Variants in CLVS2 observed in about 807,000 individuals in gnomAD.
CLVS2 encodes clavesin 2.
A neutral mutation model predicts 29.0 loss-of-function variants in CLVS2; 19 were observed. That is an observed-to-expected ratio of 0.66 (90% CI 0.46 to 0.96). The LOEUF (loss-of-function observed/expected upper bound fraction) is 0.96, where lower values mean the gene tolerates loss of function less well. CLVS2 is among the 40% of genes least tolerant of loss of function. CLVS2 has a pLI of 0.00. For synonymous variants in CLVS2, 161 were observed against 151.3 expected, an observed-to-expected ratio of 1.06 and a Z score of -0.47; for missense variants, 294 against 404.1, an observed-to-expected ratio of 0.73 and a Z score of 2.34.
At chr6:123,057,334 C>CTTTTTTTT (rs71541220) in intron 5 of CLVS2, among the ~76,000 whole-genome samples, 2 of 83,686 alleles carry the variant, frequency 2.4e-5, no homozygotes, top group Admixed American at 1.4e-4. Flanking sequence ...GGATGGTCTT[C>CTTTTTTTT]TTTTTTTTTT....
chr6:123,034,477 T>C (rs1214225677), intron 3 of CLVS2, among the ~76,000 whole-genome samples: 1 of 152,154 alleles, frequency 6.6e-6, no homozygotes, highest in African/African-American at 2.4e-5. Flanking sequence ...AAAGGCAGCA[T>C]ACTGTATCAT....
At chr6:123,017,245 A>T (rs1774850450) in intron 3 of CLVS2, among the ~76,000 whole-genome samples, 1 of 152,196 alleles carries the variant, frequency 6.6e-6, no homozygotes, top group South Asian at 2.1e-4. Flanking sequence ...TAAGCTGCCA[A>T]TAGTTTTCAG....
rs769299096 is a variant in CLVS2, at chr6:123,071,832, A to G, written c.*8071A>G. On this transcript the variant is annotated 3_prime_UTR_variant, in exon 6 of 6. Coordinates refer to ENST00000275162, the MANE Select transcript of CLVS2 (RefSeq NM_001010852.4). ...TTTTAACAATTGGGTTTCATGTTACATATCTTTAAATTTTTATGTTGAAAA... is the reference window on the plus strand; with the variant it reads ...TTTTAACAATTGGGTTTCATGTTACGTATCTTTAAATTTTTATGTTGAAAA... 6.6e-6 allele frequency: 1 copy of G among 152,014 alleles called. No homozygotes were observed. The highest frequency in any genetic ancestry group is 1.5e-5 in the Non-Finnish European group (1 of 67,942). 9.4% of individuals were successfully genotyped at this position (152,014 alleles called of 1,614,324 possible). A position where few individuals can be genotyped will look rare whatever the true frequency, so the allele number is the denominator to read the frequency against.
intron 3 of CLVS2, among the ~76,000 whole-genome samples, chr6:123,045,754 C>T (rs112528682): frequency 5.3e-5 from 8 of 152,062 alleles, no homozygotes; most frequent in Non-Finnish European, 1.0e-4. Flanking sequence ...TAATAGTGGA[C>T]GCAGACAAAG....
chr6:122,998,978 C>T (rs896170290), intron 2 of CLVS2, among the ~76,000 whole-genome samples: 1 of 152,138 alleles, frequency 6.6e-6, no homozygotes, highest in African/African-American at 2.4e-5. Context: ...TAGAAAAATG[C>T]AGGCAATGAC....
intron 3 of CLVS2, among the ~76,000 whole-genome samples, chr6:123,036,665 A>G (rs1775158798): frequency 1.3e-5 from 2 of 152,166 alleles, no homozygotes; most frequent in South Asian, 4.1e-4. Context: ...TAGAGACAGA[A>G]TTAGAGTTCC....
rs188910473 is a variant in CLVS2, at chr6:123,005,921, C to T, written c.390-5064C>T. Among the ~76,000 whole-genome samples, 6 of 152,336 alleles carry T rather than the reference C, an allele frequency of 3.9e-5. No homozygotes were observed. The East Asian group carries it at 9.7e-4, about 25-fold the overall frequency. The stretch of plus-strand genomic sequence containing the variant: ...TATAGGTAAAATAAAGCAGCATGGT[C>T]TATGCCCTTGGGAAATAGTTTGATT... On this transcript the variant is annotated intron_variant, in intron 2 of 5. Transcript: ENST00000275162.
chr6:123,062,652 C>T (rs1287449765), intron 5 of CLVS2, among the ~76,000 whole-genome samples: 1 of 152,012 alleles, frequency 6.6e-6, no homozygotes, highest in African/African-American at 2.4e-5. Context: ...ATCAGTTAAT[C>T]CTGTAATTAT....
intron 1 of CLVS2, among the ~76,000 whole-genome samples, 170 bp downstream of exon 1, chr6:122,996,916 C>G (rs1197837666): frequency 3.3e-5 from 5 of 152,030 alleles, no homozygotes; most frequent in Non-Finnish European, 7.4e-5. Context: ...TCTCCAACCC[C>G]GCGGCAAGTC....
intron 3 of CLVS2, among the ~76,000 whole-genome samples, chr6:123,017,755 G>A (rs1582648290): frequency 6.6e-6 from 1 of 151,992 alleles, no homozygotes; most frequent in East Asian, 1.9e-4. Flanking sequence ...CTTTGATAAT[G>A]GACTAGATTA....
chr6:123,049,728 A>G (rs546096804), intron 4 of CLVS2, among the ~76,000 whole-genome samples: 2 of 145,130 alleles, frequency 1.4e-5, no homozygotes, highest in African/African-American at 2.5e-5. Flanking sequence ...TAGAAGCTTT[A>G]TTGTGAGTGT....
At chr6:123,008,848 C>T (rs1021423786) in intron 2 of CLVS2, among the ~76,000 whole-genome samples, 1 of 151,862 alleles carries the variant, frequency 6.6e-6, no homozygotes, top group Non-Finnish European at 1.5e-5. Flanking sequence ...AAGGTGTTCA[C>T]CCACACATGT....
Position 122,997,866 on chromosome 6 carries a change from A to T in CLVS2, c.89A>T (p.Asp30Val). ...GAAAACCCAGACACGCTGCACCAGG[A>T]CATCCAGGAGGTGAGGGATATGGTC... Reference protein sequence around the residue: ...LNENPDTLHQDIQEVRDMVIT... With the variant: ...LNENPDTLHQVIQEVRDMVIT... Residue 30 changes from aspartate (D) to valine (V), a missense_variant, in exon 2 of 6, where the codon GAC (aspartate) becomes GTC (valine). Asp to Val is a radical substitution (Grantham distance 152). This residue lies in a region of CLVS2 where 212 missense variants were observed against 336.4 expected (regional missense o/e 0.63). Transcript: ENST00000275162. 6.2e-7 allele frequency: 1 copy of T among 1,614,210 alleles called. No individual in the cohort carries two copies. The highest frequency in any genetic ancestry group is 8.5e-7 in the Non-Finnish European group (1 of 1,180,040).
At chr6:123,010,674 G>C (rs924890306) in intron 2 of CLVS2, among the ~76,000 whole-genome samples, 2 of 151,972 alleles carry the variant, frequency 1.3e-5, no homozygotes, top group Non-Finnish European at 2.9e-5. Flanking sequence ...CACTTAAAAC[G>C]TGTGATGCCT....
rs947328206 is a variant in CLVS2 at position 123,068,850 on chromosome 6, G to T, written c.*5089G>T. 6.6e-5 allele frequency: 10 copies of T among 151,522 alleles called. No individual in the cohort carries two copies. The highest frequency in any genetic ancestry group is 2.2e-4 in the African/African-American group (9 of 41,368). The allele number at this position is 151,522 out of a possible 1,614,324, so 9.4% of individuals were successfully genotyped here. A position where few individuals can be genotyped will look rare whatever the true frequency, so the allele number is the denominator to read the frequency against. Reference sequence around the variant, plus strand: ...GACAAGTATACATTTCTGTTTAAAAGAAATGTATGCTTTTATTTTGTATAT... The same window carrying T: ...GACAAGTATACATTTCTGTTTAAAATAAATGTATGCTTTTATTTTGTATAT... On this transcript the variant is annotated 3_prime_UTR_variant, in exon 6 of 6. Coordinates refer to ENST00000275162, the MANE Select transcript of CLVS2 (RefSeq NM_001010852.4).
At chr6:123,023,544 A>G (rs142811529) in intron 3 of CLVS2, among the ~76,000 whole-genome samples, 5 of 152,242 alleles carry the variant, frequency 3.3e-5, no homozygotes, top group African/African-American at 9.6e-5. Flanking sequence ...GTTATATACA[A>G]TAATAGAGAA....
intron 4 of CLVS2, among the ~76,000 whole-genome samples, chr6:123,053,117 C>T (rs975482227): frequency 1.3e-5 from 2 of 152,136 alleles, no homozygotes; most frequent in Non-Finnish European, 2.9e-5. Context: ...GAGGCCAAGG[C>T]GAGTGGATCA....
intron 2 of CLVS2, among the ~76,000 whole-genome samples, chr6:123,001,949 A>G (rs1448253387): frequency 6.6e-6 from 1 of 152,212 alleles, no homozygotes; most frequent in East Asian, 1.9e-4. Context: ...GTTCACCTGT[A>G]AGTTGTCAGC....
At chr6:123,023,791 C>T (rs1045199557) in intron 3 of CLVS2, among the ~76,000 whole-genome samples, 19 of 152,020 alleles carry the variant, frequency 1.2e-4, no homozygotes, top group South Asian at 2.1e-4. Context: ...AAATCTTGCC[C>T]GTATCATGTC....
Sources: allele counts gnomAD v4.1 joint callset (sites outside exome capture counted in the v4.1 genomes callset), GRCh38; gene constraint gnomAD v4.1.1; regional missense constraint gnomAD v4.1.1; transcripts MANE v1.5; gene names NCBI Gene and HGNC (gene_info 2026-07-23, HGNC 2026-07-21).